DNAAF10: variants seen among roughly 807,000 people sequenced by gnomAD.
DNAAF10 encodes the protein dynein axonemal assembly factor 10.
A neutral mutation model predicts 43.7 loss-of-function variants in DNAAF10; 28 were observed. The ratio of observed to expected loss-of-function variants is 0.64; its 90% CI spans 0.48 to 0.88. The LOEUF (loss-of-function observed/expected upper bound fraction) is 0.88. Ranked by LOEUF, DNAAF10 falls within the 40% of genes least tolerant of loss-of-function variation. The pLI is 0.00. For synonymous variants in DNAAF10, 156 were observed against 157.3 expected (o/e 0.99, Z 0.06); for missense variants, 403 against 439.1 (o/e 0.92, Z 0.73).
chr2:68,151,694 C>G (rs1673462346), intron 1 of DNAAF10, among the ~76,000 whole-genome samples: 1 of 152,176 alleles, frequency 6.6e-6, no homozygotes. Context: ...TTTCTTTGCT[C>G]TCTCTTTTCT....
Position 68,138,678 on chromosome 2 carries a change from TA to T in DNAAF10, c.633+63del, listed in dbSNP as rs565744394. 3,142 of 1,224,556 alleles carry T rather than the reference TA, an allele frequency of 2.6e-3. 5 individuals are homozygous for T. Among genetic ancestry groups the T allele is most frequent in the Non-Finnish European group, 2.9e-3 (2,446 of 836,582 alleles). 75.9% of individuals were successfully genotyped at this position (1,224,556 alleles called of 1,614,324 possible). A position where few individuals can be genotyped will look rare whatever the true frequency, so the allele number is the denominator to read the frequency against. On this transcript the variant is annotated intron_variant, in intron 5 of 7. Transcript: ENST00000295121. ...AGTTACTAGAGGTGTTTTCCTTTTG[TA>T]ATAGTTCAGAGGTGAATGGAAACAT...
chr2:68,131,261 C>T lies in DNAAF10; in HGVS notation c.1051G>A (p.Val351Ile), dbSNP rs771066288. 18 of 1,613,788 alleles carry T rather than the reference C, an allele frequency of 1.1e-5. No individual in the cohort carries two copies. Among genetic ancestry groups the T allele is most frequent in the South Asian group, 1.1e-4 (10 of 91,068 alleles). The change falls in exon 8 of 8, where the codon GTT (valine) becomes ATT (isoleucine). Residue 351 changes from valine (V) to isoleucine (I), a missense_variant. Transcript: ENST00000295121. Reference protein sequence around the residue: ...SFDQTVRVLIVTKLNKI With the variant: ...SFDQTVRVLIITKLNKI ...AGTCAAATTTTATTGAGCTTTGTAA[C>T]GATCAGTACTCTCACCGTTTGGTCA...
At position 68,144,700 on chromosome 2, in the gene DNAAF10, T is replaced by C; in HGVS notation, c.300A>G (p.Pro100=). Residue 100 remains proline, a synonymous_variant, in exon 3 of 8, where the codon CCA becomes CCG. Transcript: ENST00000295121. ...GNLHIWNLEA[P]EMPVYSVKGH... ...CCTTTACAGAATATACTGGCATCTC[T>C]GGAGCTTCTAAATTCCTAAACAACA... 1.9e-6 allele frequency: 3 copies of C among 1,611,332 alleles called. No homozygotes were observed. Among genetic ancestry groups the C allele is most frequent in the Non-Finnish European group, 2.5e-6 (3 of 1,179,442 alleles).
chr2:68,153,411 T>G (rs376856029), intron 1 of DNAAF10, among the ~76,000 whole-genome samples: 1 of 150,188 alleles, frequency 6.7e-6, no homozygotes, highest in African/African-American at 2.4e-5. Flanking sequence ...AGGGTAGATC[T>G]ACGATGATAC....
At chr2:68,139,634 A>G (rs534513336) in intron 4 of DNAAF10, among the ~76,000 whole-genome samples, 2 of 151,430 alleles carry the variant, frequency 1.3e-5, no homozygotes, top group African/African-American at 2.4e-5. Flanking sequence ...AAAAAAAAAA[A>G]AAAGAAAAAA....
intron 4 of DNAAF10, among the ~76,000 whole-genome samples, chr2:68,139,668 G>C (rs979157703): frequency 6.6e-5 from 10 of 151,260 alleles, no homozygotes; most frequent in African/African-American, 1.9e-4. Flanking sequence ...GCCGGGTGTG[G>C]TGGCAGGCGC....
rs987445082 is a variant in DNAAF10, at chr2:68,137,347, G to A, written c.720C>T (p.Asp240=). ...TSLEGKFHVF[D]MRTQHPTKGF... ...CTTTGGTTGGATGCTGTGTTCTCAT[G>A]TCAAAAACATGGAACTTTCCTTCCA... Residue 240 remains aspartate (D), a synonymous_variant, in exon 6 of 8, where the codon GAC becomes GAT. Transcript: ENST00000295121. The A allele has an allele frequency of 7.4e-6, 12 of 1,613,432 alleles. No individual in the cohort carries two copies. Among genetic ancestry groups the A allele is most frequent in the Admixed American group, 1.7e-5 (1 of 59,892 alleles).
chr2:68,156,997 C>A (rs1157472038), intron 1 of DNAAF10: 1 of 543,448 alleles, frequency 1.8e-6, no homozygotes, highest in South Asian at 2.3e-5. Context: ...CTCTTCCAAC[C>A]ACACTGCAGG....
At chr2:68,154,833 G>A (rs555794581) in intron 1 of DNAAF10, among the ~76,000 whole-genome samples, 7 of 152,124 alleles carry the variant, frequency 4.6e-5, no homozygotes, top group Admixed American at 2.0e-4. Context: ...GCAGTGGTGC[G>A]AACACAGCAT....
At chr2:68,145,433 T>C (rs975964235) in intron 2 of DNAAF10, among the ~76,000 whole-genome samples, 1 of 152,154 alleles carries the variant, frequency 6.6e-6, no homozygotes, top group Admixed American at 6.5e-5. Flanking sequence ...AAAACGCAGC[T>C]AGTATATTTC....
At position 68,131,397 on chromosome 2, in the gene DNAAF10, C is replaced by T. The variant is rs147783117; in HGVS notation, c.915G>A (p.Met305Ile). The change falls in exon 8 of 8, where the codon ATG (methionine) becomes ATA (isoleucine). Residue 305 changes from methionine to isoleucine, a missense_variant. Transcript: ENST00000295121. ...RSKKDSEGIE[M>I]GVAGSVSLLQ... ...GAAGGCTTACAGAACCTGCGACTCC[C>T]ATTTCTATTCCCTCAGAATCTTTCT... 6.2e-7 allele frequency: 1 copy of T among 1,613,996 alleles called. No individual in the cohort carries two copies. Among genetic ancestry groups the T allele is most frequent in the African/African-American group, 1.3e-5 (1 of 74,894 alleles).
Position 68,134,420 on chromosome 2 carries a change from T to C in DNAAF10, c.866+282A>G, listed in dbSNP as rs558269922. The C allele has an allele frequency of 5.8e-6, 7 of 1,203,222 alleles. No homozygotes were observed. The South Asian group carries it at 7.5e-5, about 13-fold the overall frequency. 74.5% of individuals were successfully genotyped at this position (1,203,222 alleles called of 1,614,324 possible). ...AGTGAGTGTTCTAATCACTTCAAGA[T>C]AGTATCTGATAAAAGTCTTGGGCCA... On this transcript the variant is annotated intron_variant, in intron 7 of 7. Coordinates refer to ENST00000295121, the MANE Select transcript of DNAAF10 (RefSeq NM_138458.4).
At chr2:68,139,389 T>C (rs1048489150) in intron 4 of DNAAF10, among the ~76,000 whole-genome samples, 1 of 152,140 alleles carries the variant, frequency 6.6e-6, no homozygotes, top group Non-Finnish European at 1.5e-5. Flanking sequence ...TTGGATACTC[T>C]TGCAGAATCA....
At chr2:68,155,111 C>T (rs550007880) in intron 1 of DNAAF10, among the ~76,000 whole-genome samples, 1 of 151,712 alleles carries the variant, frequency 6.6e-6, no homozygotes, top group Non-Finnish European at 1.5e-5. Flanking sequence ...AGCCCTGATC[C>T]TGCCACTGCA....
At position 68,157,482 on chromosome 2, in the gene DNAAF10, G is replaced by C. The variant is rs567822435; in HGVS notation, c.-39C>G. On this transcript the variant is annotated 5_prime_UTR_variant, in exon 1 of 8. Coordinates refer to ENST00000295121, the MANE Select transcript of DNAAF10 (RefSeq NM_138458.4). Reference sequence around the variant, plus strand: ...TCAGCTACGGCAACCGCCACACCCAGAGCCCCCAAAAACGGCAACCTGGAA... The same window carrying C: ...TCAGCTACGGCAACCGCCACACCCACAGCCCCCAAAAACGGCAACCTGGAA... 8.7e-6 allele frequency: 14 copies of C among 1,614,120 alleles called. No individual in the cohort carries two copies. The highest frequency in any genetic ancestry group is 1.1e-5 in the Non-Finnish European group (13 of 1,179,998).
At position 68,138,871 on chromosome 2, in the gene DNAAF10, T is replaced by C. The variant is rs201287213; in HGVS notation, c.518-14A>G. 9.5e-5 allele frequency: 151 copies of C among 1,583,580 alleles called. No homozygotes were observed. The African/African-American group carries it at 1.7e-3, about 18-fold the overall frequency. On this transcript the variant is annotated splice_polypyrimidine_tract_variant and intron_variant, in intron 4 of 7. Coordinates refer to ENST00000295121, the MANE Select transcript of DNAAF10 (RefSeq NM_138458.4). ...TATAAGCATTGCCTGGAAATCAAGA[T>C]ACAACATTTCACATCCTTATAAATG... is the stretch of plus-strand genomic sequence containing the variant.
At chr2:68,135,286 A>G (rs1222556999) in intron 6 of DNAAF10, among the ~76,000 whole-genome samples, 1 of 152,242 alleles carries the variant, frequency 6.6e-6, no homozygotes, top group Non-Finnish European at 1.5e-5. Context: ...TAAAATTTAT[A>G]GACCGAAATT....
At position 68,141,774 on chromosome 2, in the gene DNAAF10, G is replaced by T; in HGVS notation, c.437C>A (p.Pro146Gln). ...SRDGTVKVWD[P>Q]RQKDDPVANM... is the part of the protein sequence containing the mutation. Reference sequence around the variant, plus strand: ...AGCAACAGGATCATCTTTTTGCCTTGGGTCCCACACCTTCACAGTTCCTGC... The same window carrying T: ...AGCAACAGGATCATCTTTTTGCCTTTGGTCCCACACCTTCACAGTTCCTGC... The change falls in exon 4 of 8, where the codon CCA becomes CAA. Residue 146 changes from proline (P) to glutamine (Q), a missense_variant. Transcript: ENST00000295121. 6.2e-7 allele frequency: 1 copy of T among 1,613,920 alleles called. No homozygotes were observed. The highest frequency in any genetic ancestry group is 1.1e-5 in the South Asian group (1 of 91,042).
chr2:68,151,055 T>G (rs1382148255), intron 1 of DNAAF10, among the ~76,000 whole-genome samples: 1 of 152,260 alleles, frequency 6.6e-6, no homozygotes, highest in African/African-American at 2.4e-5. Context: ...ATTTTCACAG[T>G]TGTCATTGCA....
Sources: gnomAD v4.1 joint callset for allele counts (sites outside exome capture counted in the v4.1 genomes callset) on GRCh38, gnomAD v4.1.1 for gene constraint, MANE v1.5 for transcripts, NCBI Gene and HGNC (gene_info 2026-07-23, HGNC 2026-07-21) for gene names.